The following L3MBTL3 variants were observed in gnomAD, a reference collection of about 807,000 sequenced individuals.
L3MBTL3 encodes L3MBTL histone methyl-lysine binding protein 3, also known as lethal(3)malignant brain tumor-like protein 3.
A neutral mutation model predicts 102.3 loss-of-function variants in L3MBTL3; 27 were observed. That is an observed-to-expected ratio of 0.26 (90% CI 0.19 to 0.36). The LOEUF (loss-of-function observed/expected upper bound fraction) is 0.36. Ranked by LOEUF, L3MBTL3 falls within the 10% of genes least tolerant of loss-of-function variation. The pLI, the probability that L3MBTL3 is intolerant of heterozygous loss-of-function variation, is 1.00. For missense variants in L3MBTL3, 798 were observed against 955.3 expected (o/e 0.84, Z 2.17); for synonymous variants, 340 against 320.9 (o/e 1.06, Z -0.64).
intron 18 of L3MBTL3, among the ~76,000 whole-genome samples, chr6:130,096,539 G>A (rs1394681849): frequency 6.6e-6 from 1 of 152,192 alleles, no homozygotes; most frequent in Admixed American, 6.5e-5. Flanking sequence ...TTATGGCAGT[G>A]TCCATGGTCT....
intron 17 of L3MBTL3, 44 bp from the exon 18 acceptor site, chr6:130,094,221 G>A (rs1324597788): frequency 6.9e-7 from 1 of 1,459,018 alleles, no homozygotes; most frequent in Non-Finnish European, 9.5e-7. Context: ...ACAGATTTTT[G>A]CTTAATATTT....
chr6:130,094,174 T>C, intron 17 of L3MBTL3, 91 bp from the exon 18 acceptor site: 1 of 952,158 alleles, frequency 1.1e-6, no homozygotes, highest in Non-Finnish European at 1.5e-6. Context: ...TAGGGAGTCT[T>C]TTTCTTCCTT....
At chr6:130,090,199 T>C (rs888803931) in intron 16 of L3MBTL3, among the ~76,000 whole-genome samples, 1 of 151,410 alleles carries the variant, frequency 6.6e-6, no homozygotes, top group South Asian at 2.1e-4. Flanking sequence ...TTTAAGCACA[T>C]ATATATATAT....
chr6:130,084,535 A>G (rs942884181), intron 15 of L3MBTL3, among the ~76,000 whole-genome samples: 19 of 152,318 alleles, frequency 1.2e-4, no homozygotes, highest in Non-Finnish European at 2.1e-4. Flanking sequence ...GAGAAACTAT[A>G]TCAAAAAATG....
At chr6:130,044,002 C>G (rs181876884) in intron 3 of L3MBTL3, among the ~76,000 whole-genome samples, 7 of 152,298 alleles carry the variant, frequency 4.6e-5, no homozygotes, top group African/African-American at 1.7e-4. Context: ...CAAGTTTCCT[C>G]TGCAGTAAAT....
rs1780245715 is a variant in L3MBTL3, at chr6:130,039,074, C to G, written c.-15-3611C>G. Among the ~76,000 whole-genome samples the G allele has an allele frequency of 1.3e-5, 2 of 151,900 alleles. 1 individual carries two copies. Among genetic ancestry groups the G allele is most frequent in the South Asian group, 4.2e-4 (2 of 4,816 alleles). ...GTAAGGAGACTGCACTTTTAAAAAT[C>G]TTGAATTTTTGAACAAAATTTTCAA... On this transcript the variant is annotated intron_variant, in intron 2 of 22. Coordinates refer to ENST00000361794, the MANE Select transcript of L3MBTL3 (RefSeq NM_032438.4).
chr6:130,081,504 C>T (rs890616336), intron 14 of L3MBTL3, among the ~76,000 whole-genome samples: 4 of 151,552 alleles, frequency 2.6e-5, no homozygotes, highest in Non-Finnish European at 5.9e-5. Flanking sequence ...CTGTAAATTC[C>T]GCCTCCTGAG....
intron 22 of L3MBTL3, chr6:130,138,580 A>ACCCTATTT (rs1393399510): frequency 6.6e-6 from 1 of 152,138 alleles, no homozygotes; most frequent in Non-Finnish European, 1.5e-5. Flanking sequence ...CTCTGCACTG[A>ACCCTATTT]CCCTATTTCC....
intron 20 of L3MBTL3, among the ~76,000 whole-genome samples, chr6:130,131,399 G>A (rs1787017723): frequency 6.6e-6 from 1 of 152,218 alleles, no homozygotes; most frequent in South Asian, 2.1e-4. Context: ...TAGGTATTCT[G>A]CAGTTGTTTT....
intron 12 of L3MBTL3, among the ~76,000 whole-genome samples, chr6:130,070,319 T>C (rs886169096): frequency 1.3e-5 from 2 of 152,208 alleles, no homozygotes; most frequent in East Asian, 1.9e-4. Context: ...TTGTTCCATG[T>C]TCTGAATGAC....
At chr6:130,027,112 C>T (rs75191738) in intron 2 of L3MBTL3, among the ~76,000 whole-genome samples, 18,371 of 152,024 alleles carry the variant, frequency 0.12, 1,402 homozygotes, top group East Asian at 0.21. Context: ...TTTGACTCAT[C>T]GGGTGGTTTT....
At chr6:130,070,465 C>T (rs897509148) in intron 12 of L3MBTL3, among the ~76,000 whole-genome samples, 2 of 152,146 alleles carry the variant, frequency 1.3e-5, no homozygotes, top group African/African-American at 4.8e-5. Flanking sequence ...TGCAGCCTTT[C>T]ATATATGAAG....
intron 2 of L3MBTL3, among the ~76,000 whole-genome samples, chr6:130,027,542 T>C (rs1211178273): frequency 6.6e-6 from 1 of 152,188 alleles, no homozygotes; most frequent in Non-Finnish European, 1.5e-5. Flanking sequence ...GACTTGAGGC[T>C]TAGCTGTTCA....
chr6:130,039,450 A>G (rs1014247650), intron 2 of L3MBTL3, among the ~76,000 whole-genome samples: 1 of 152,074 alleles, frequency 6.6e-6, no homozygotes, highest in Admixed American at 6.6e-5. Flanking sequence ...ATTGGTTGAT[A>G]TGTTTCTTAA....
At chr6:130,121,658 G>A (rs1368401931) in intron 20 of L3MBTL3, among the ~76,000 whole-genome samples, 6 of 151,818 alleles carry the variant, frequency 4.0e-5, no homozygotes, top group Non-Finnish European at 8.8e-5. Context: ...TGTTTAAAAC[G>A]CAATTCAGAA....
At position 130,049,333 on chromosome 6, in the gene L3MBTL3, A is replaced by T; in HGVS notation, c.154A>T (p.Met52Leu). ...ALEVITDENE[M>L]ENVKKATATT... is the part of the protein sequence containing the mutation. ...GGAAGTTATTACAGATGAGAATGAG[A>T]TGGAAAATGTTAAAAAAGCAACTGC... Residue 52 changes from methionine (M) to leucine (L), a missense_variant, in exon 4 of 23, where the codon ATG becomes TTG. Around this residue, in one of 4 missense-constraint regions of L3MBTL3, gnomAD observed 434 missense variants for 506.6 expected, o/e 0.86. Coordinates refer to ENST00000361794, the MANE Select transcript of L3MBTL3 (RefSeq NM_032438.4). The T allele has an allele frequency of 6.2e-7, 1 of 1,613,948 alleles. No homozygotes were observed. Among genetic ancestry groups the T allele is most frequent in the Non-Finnish European group, 8.5e-7 (1 of 1,179,868 alleles).
chr6:130,023,180 A>T (rs1375631597), intron 2 of L3MBTL3, among the ~76,000 whole-genome samples: 6 of 152,194 alleles, frequency 3.9e-5, no homozygotes, highest in African/African-American at 1.4e-4. Flanking sequence ...AACCAAAATT[A>T]GCCTACCTTT....
intron 2 of L3MBTL3, among the ~76,000 whole-genome samples, chr6:130,028,294 A>G (rs1222414468): frequency 6.6e-6 from 1 of 152,206 alleles, no homozygotes; most frequent in Non-Finnish European, 1.5e-5. Context: ...CCATTGCAAC[A>G]TTATAAATAG....
At chr6:130,086,517 A>G (rs569786511) in intron 16 of L3MBTL3, among the ~76,000 whole-genome samples, 1 of 152,340 alleles carries the variant, frequency 6.6e-6, no homozygotes, top group South Asian at 2.1e-4. Flanking sequence ...TTAAAGTAGT[A>G]TTATATTCAG....
Sources: allele counts gnomAD v4.1 joint callset (sites outside exome capture counted in the v4.1 genomes callset), GRCh38; gene constraint gnomAD v4.1.1; regional missense constraint gnomAD v4.1.1; transcripts MANE v1.5; gene names NCBI Gene and HGNC (gene_info 2026-07-23, HGNC 2026-07-21).